NELL1: variants seen among roughly 807,000 people sequenced by gnomAD.
NELL1 encodes neural EGFL like 1.
A neutral mutation model predicts 107.4 loss-of-function variants in NELL1; 76 were observed. The observed-to-expected ratio is 0.71, with a 90% CI of 0.59 to 0.86. The LOEUF (loss-of-function observed/expected upper bound fraction) is 0.86, where lower values mean the gene tolerates loss of function less well. Ranked by LOEUF, NELL1 falls within the 40% of genes least tolerant of loss-of-function variation. NELL1 has a pLI of 0.00. For synonymous variants in NELL1, 353 were observed against 341.2 expected (o/e 1.03, Z -0.38); for missense variants, 1,024 against 1,005.5 (o/e 1.02, Z -0.25).
At chr11:21,173,017 G>A (rs890319210) in intron 13 of NELL1, among the ~76,000 whole-genome samples, 1 of 151,698 alleles carries the variant, frequency 6.6e-6, no homozygotes, top group Non-Finnish European at 1.5e-5. Context: ...GAATAAAAGA[G>A]TTTGAGTTGC....
At chr11:21,203,522 TG>T (rs1857319678) in intron 13 of NELL1, among the ~76,000 whole-genome samples, 1 of 151,396 alleles carries the variant, frequency 6.6e-6, no homozygotes, top group Non-Finnish European at 1.5e-5. Flanking sequence ...GCACATGTGA[TG>T]GGTCTCCTGA....
intron 14 of NELL1, among the ~76,000 whole-genome samples, chr11:21,316,524 T>C (rs1849884134): frequency 6.6e-6 from 1 of 152,166 alleles, no homozygotes; most frequent in Non-Finnish European, 1.5e-5. Context: ...AGGGGTGCCA[T>C]GCTCTGTCTT....
At chr11:20,797,565 C>CAAA (rs35016707) in intron 3 of NELL1, among the ~76,000 whole-genome samples, 1,447 of 68,568 alleles carry the variant, frequency 0.021, 92 homozygotes, top group Middle Eastern at 0.046. Flanking sequence ...GACTCCATCT[C>CAAA]AAAAAAAAAA....
intron 2 of NELL1, among the ~76,000 whole-genome samples, chr11:20,770,045 C>G (rs1392822744): frequency 6.6e-6 from 1 of 152,088 alleles, no homozygotes; most frequent in Non-Finnish European, 1.5e-5. Flanking sequence ...ATGTTCTTAC[C>G]CTAGGACACG....
At chr11:21,504,982 C>A (rs925451586) in intron 15 of NELL1, among the ~76,000 whole-genome samples, 2 of 152,134 alleles carry the variant, frequency 1.3e-5, no homozygotes, top group East Asian at 3.9e-4. Flanking sequence ...ACAATAAATA[C>A]CCCAAACATT....
At chr11:21,194,774 T>G (rs1318700191) in intron 13 of NELL1, among the ~76,000 whole-genome samples, 1 of 152,172 alleles carries the variant, frequency 6.6e-6, no homozygotes, top group East Asian at 1.9e-4. Flanking sequence ...TTGATCAACT[T>G]TCTAAGATGG....
At chr11:20,840,913 A>G (rs994252046) in intron 3 of NELL1, among the ~76,000 whole-genome samples, 6 of 152,236 alleles carry the variant, frequency 3.9e-5, no homozygotes, top group African/African-American at 1.4e-4. Context: ...TACACAGGAC[A>G]GGAGATGACA....
At chr11:21,553,538 G>C (rs1856639468) in intron 16 of NELL1, among the ~76,000 whole-genome samples, 2 of 151,806 alleles carry the variant, frequency 1.3e-5, no homozygotes, top group Admixed American at 1.3e-4. Context: ...GAGGTGAAAA[G>C]TAATCATATC....
At chr11:21,080,308 A>G (rs1854235633) in intron 12 of NELL1, among the ~76,000 whole-genome samples, 2 of 152,130 alleles carry the variant, frequency 1.3e-5, no homozygotes, top group African/African-American at 2.4e-5. Context: ...CAGACCACCA[A>G]CAGCCCTGTG....
chr11:21,309,286 ATATATATATATATG>A lies in NELL1; in HGVS notation c.1550-61554_1550-61541del, dbSNP rs1169710791. On this transcript the variant is annotated intron_variant, in intron 14 of 19. Transcript: ENST00000357134. ...TATATATATATATATATATGTATATATATATATATATATGTATATATATATAATATATATATATA... is the reference window on the plus strand; with the variant it reads ...TATATATATATATATATATGTATATATATATATATATAATATATATATATA... 2.1e-3 allele frequency among the ~76,000 whole-genome samples: 226 copies of A among 109,184 alleles called. 4 individuals are homozygous for A. The highest frequency in any genetic ancestry group is 9.3e-3 in the African/African-American group (210 of 22,580). The allele number at this position is 109,184 out of a possible 152,430, so 71.6% of individuals were successfully genotyped here. A position where few individuals can be genotyped will look rare whatever the true frequency, so the allele number is the denominator to read the frequency against.
chr11:21,414,325 C>A (rs1230086831), intron 15 of NELL1, among the ~76,000 whole-genome samples: 1 of 152,000 alleles, frequency 6.6e-6, no homozygotes, highest in East Asian at 1.9e-4. Flanking sequence ...TTTGGTTTTA[C>A]TCTTTTTTAT....
chr11:21,107,477 G>A (rs1310276127), intron 12 of NELL1, among the ~76,000 whole-genome samples: 2 of 152,180 alleles, frequency 1.3e-5, no homozygotes, highest in Non-Finnish European at 2.9e-5. Flanking sequence ...TATCTTACCA[G>A]TCCATGAAGA....
At chr11:21,493,440 T>A (rs1854885695) in intron 15 of NELL1, among the ~76,000 whole-genome samples, 1 of 151,896 alleles carries the variant, frequency 6.6e-6, no homozygotes, top group African/African-American at 2.4e-5. Flanking sequence ...TGAAACAACA[T>A]GGATGGAACT....
At chr11:21,305,171 A>C (rs775829071) in intron 14 of NELL1, among the ~76,000 whole-genome samples, 5 of 152,028 alleles carry the variant, frequency 3.3e-5, no homozygotes, top group Non-Finnish European at 7.4e-5. Context: ...TTGTATTTGA[A>C]AGTGTCATTT....
At chr11:21,565,424 C>T (rs1024710295) in intron 17 of NELL1, among the ~76,000 whole-genome samples, 9 of 151,826 alleles carry the variant, frequency 5.9e-5, no homozygotes, top group African/African-American at 2.2e-4. Context: ...GATTTTGAAG[C>T]TTTGCACCAG....
At chr11:20,976,619 T>G (rs780348312) in intron 12 of NELL1, among the ~76,000 whole-genome samples, 24 of 152,238 alleles carry the variant, frequency 1.6e-4, no homozygotes, top group Non-Finnish European at 3.1e-4. Context: ...TTTGAAAAGC[T>G]CACTGCAAAC....
intron 12 of NELL1, among the ~76,000 whole-genome samples, chr11:21,082,281 G>A (rs1449878754): frequency 6.6e-6 from 1 of 152,080 alleles, no homozygotes; most frequent in Non-Finnish European, 1.5e-5. Flanking sequence ...TGATGGGGAT[G>A]CACTACAGGA....
intron 14 of NELL1, among the ~76,000 whole-genome samples, chr11:21,240,932 T>TG (rs1368720735): frequency 6.6e-6 from 1 of 151,912 alleles, no homozygotes. Flanking sequence ...TCAGAGGGAG[T>TG]GGAAATCTGA....
intron 3 of NELL1, among the ~76,000 whole-genome samples, chr11:20,818,295 A>G (rs1857668651): frequency 6.6e-6 from 1 of 152,072 alleles, no homozygotes; most frequent in South Asian, 2.1e-4. Context: ...TATTATAAGT[A>G]AGTCTTCCTG....
Sources: allele counts gnomAD v4.1 joint callset (sites outside exome capture counted in the v4.1 genomes callset), GRCh38; gene constraint gnomAD v4.1.1; transcripts MANE v1.5; gene names NCBI Gene and HGNC (gene_info 2026-07-23, HGNC 2026-07-21).